Variants in SPOCK3 observed in about 807,000 individuals in gnomAD.
The protein encoded by SPOCK3 is testican-3.
A neutral mutation model predicts 56.6 loss-of-function variants in SPOCK3; 30 were observed. The observed-to-expected ratio is 0.53, with a 90% confidence interval of 0.40 to 0.72. The LOEUF (loss-of-function observed/expected upper bound fraction) is 0.72. Ranked by LOEUF, SPOCK3 falls within the 30% of genes least tolerant of loss-of-function variation. The pLI, the probability that SPOCK3 is intolerant of heterozygous loss-of-function variation, is 0.00. For synonymous variants in SPOCK3, 196 were observed against 183.3 expected, an observed-to-expected ratio of 1.07 and a Z score of -0.56; for missense variants, 527 against 530.0, an observed-to-expected ratio of 0.99 and a Z score of 0.06.
intron 4 of SPOCK3, among the ~76,000 whole-genome samples, chr4:166,921,191 TG>T (rs1435251534): frequency 1.3e-5 from 2 of 152,190 alleles, no homozygotes; most frequent in African/African-American, 4.8e-5. Context: ...CCCAATCACA[TG>T]TCTGATTTTT....
intron 6 of SPOCK3, among the ~76,000 whole-genome samples, chr4:166,876,399 T>C (rs1416867949): frequency 6.6e-6 from 1 of 152,166 alleles, no homozygotes; most frequent in East Asian, 1.9e-4. Flanking sequence ...AGAAGCTCCG[T>C]GGAAGAGAGT....
At chr4:167,060,705 CG>C (rs1166473054) in intron 3 of SPOCK3, among the ~76,000 whole-genome samples, 1 of 152,028 alleles carries the variant, frequency 6.6e-6, no homozygotes, top group Non-Finnish European at 1.5e-5. Context: ...AAAATATCAT[CG>C]GGATGCCATT....
chr4:166,885,584 T>A (rs1734104176), intron 6 of SPOCK3, among the ~76,000 whole-genome samples: 1 of 152,128 alleles, frequency 6.6e-6, no homozygotes, highest in Non-Finnish European at 1.5e-5. Context: ...ACGTTCCTTT[T>A]CTACTTCCTC....
At chr4:166,747,706 C>A (rs1488049304) in intron 8 of SPOCK3, among the ~76,000 whole-genome samples, 1 of 152,076 alleles carries the variant, frequency 6.6e-6, no homozygotes, top group African/African-American at 2.4e-5. Flanking sequence ...TCCCTGTTTG[C>A]AGATGACATG....
In SPOCK3 at chr4:166,737,492, G is replaced by C; in HGVS notation, c.1107C>G (p.Ser369=). The C allele has an allele frequency of 1.9e-6, 3 of 1,613,128 alleles. No homozygotes were observed. Among genetic ancestry groups the C allele is most frequent in the Non-Finnish European group, 2.5e-6 (3 of 1,179,512 alleles). ...VDRYGNEVMG[S]RINGVADCAI... ...CACAATCTGCAACACCATTTATTCTGGATCCCATGACTTCATTTCCATATC... is the reference window on the plus strand; with the variant it reads ...CACAATCTGCAACACCATTTATTCTCGATCCCATGACTTCATTTCCATATC... Residue 369 remains serine (S), a synonymous_variant, in exon 10 of 11, where the codon TCC becomes TCG. Transcript: ENST00000357545.
intron 4 of SPOCK3, among the ~76,000 whole-genome samples, chr4:166,990,511 T>C (rs1259872193): frequency 6.6e-6 from 1 of 152,100 alleles, no homozygotes; most frequent in African/African-American, 2.4e-5. Context: ...CAGAAATGAC[T>C]ACTAATTTCC....
In SPOCK3 at chr4:166,765,600, T is replaced by C. The variant is rs28828465; in HGVS notation, c.710-10871A>G. On this transcript the variant is annotated intron_variant, in intron 7 of 10. Coordinates refer to ENST00000357545, the MANE Select transcript of SPOCK3 (RefSeq NM_001040159.2). ...TTTTGGTTACTGTAGCCTTGTAGTA[T>C]AGTATGAAGTCAGGTAGCGTGATGC... Among the ~76,000 whole-genome samples, 1,449 of 152,348 alleles carry C rather than the reference T, an allele frequency of 9.5e-3. 28 individuals are homozygous for C. The highest frequency in any genetic ancestry group is 0.033 in the African/African-American group (1,371 of 41,574).
At chr4:167,039,457 A>C (rs78957906) in intron 3 of SPOCK3, among the ~76,000 whole-genome samples, 1,639 of 152,200 alleles carry the variant, frequency 0.011, 31 homozygotes, top group African/African-American at 0.038. Flanking sequence ...AAATGTAAAA[A>C]TTTTATTTCT....
chr4:166,979,653 G>A (rs1163327750), intron 4 of SPOCK3, among the ~76,000 whole-genome samples: 1 of 151,992 alleles, frequency 6.6e-6, no homozygotes, highest in Non-Finnish European at 1.5e-5. Flanking sequence ...CTACTTCACT[G>A]GTTGTTCCTT....
intron 3 of SPOCK3, among the ~76,000 whole-genome samples, chr4:167,021,843 T>G (rs1164115299): frequency 1.3e-5 from 2 of 152,042 alleles, no homozygotes; most frequent in South Asian, 4.1e-4. Context: ...GTCCAGATTG[T>G]TTTTTAATCT....
intron 7 of SPOCK3, among the ~76,000 whole-genome samples, chr4:166,768,845 T>G (rs10024474): frequency 0.33 from 50,233 of 152,148 alleles, 8,462 homozygotes; most frequent in Admixed American, 0.42. Flanking sequence ...AAATTTGGTG[T>G]TTTCACATAG....
At chr4:166,946,786 T>C (rs1473644248) in intron 4 of SPOCK3, among the ~76,000 whole-genome samples, 3 of 152,200 alleles carry the variant, frequency 2.0e-5, no homozygotes, top group African/African-American at 7.2e-5. Flanking sequence ...AAGTACAGCA[T>C]GGGCAGGAAT....
In SPOCK3 at chr4:167,098,418, T is replaced by C. The variant is rs147127758; in HGVS notation, c.190-35881A>G. On this transcript the variant is annotated intron_variant, in intron 2 of 10. Coordinates refer to ENST00000357545, the MANE Select transcript of SPOCK3 (RefSeq NM_001040159.2). ...TTAAATGTTCCTAGAACTTTGTGAC[T>C]CAGTGGCTTCTGCTGCAGGTAAGGA... Among the ~76,000 whole-genome samples, 24 of 152,016 alleles carry C rather than the reference T, an allele frequency of 1.6e-4. No homozygotes were observed. In the East Asian group the frequency reaches 4.6e-3, roughly 29 times the overall value.
At chr4:167,222,889 A>G (rs1736134339) in intron 2 of SPOCK3, among the ~76,000 whole-genome samples, 1 of 128,146 alleles carries the variant, frequency 7.8e-6, no homozygotes, top group Non-Finnish European at 1.5e-5. Context: ...TGATATATGA[A>G]TATATAAATA....
chr4:167,186,697 C>A (rs1731998247), intron 2 of SPOCK3, among the ~76,000 whole-genome samples: 1 of 151,864 alleles, frequency 6.6e-6, no homozygotes, highest in Non-Finnish European at 1.5e-5. Context: ...AGTAGTCCAG[C>A]AAGGTGCAGT....
intron 2 of SPOCK3, among the ~76,000 whole-genome samples, chr4:167,064,871 T>C (rs1194080213): frequency 6.6e-6 from 1 of 151,438 alleles, no homozygotes; most frequent in Non-Finnish European, 1.5e-5. Flanking sequence ...AAGGAGGTGC[T>C]AAATCTTAAT....
Position 167,115,820 on chromosome 4 carries a change from C to T in SPOCK3, c.190-53283G>A, listed in dbSNP as rs576885078. ...AATAACAGAAGTTAATGATTTTAAA[C>T]ATCTTTAAAGTCCTGAACGAAAATA... is the stretch of plus-strand genomic sequence containing the variant. On this transcript the variant is annotated intron_variant, in intron 2 of 10. Coordinates refer to ENST00000357545, the MANE Select transcript of SPOCK3 (RefSeq NM_001040159.2). Among the ~76,000 whole-genome samples the T allele has an allele frequency of 2.0e-5, 3 of 152,100 alleles. No individual in the cohort carries two copies. The South Asian group carries it at 6.2e-4, about 32-fold the overall frequency.
At chr4:167,228,047 GAAAT>G (rs1343661498) in intron 2 of SPOCK3, among the ~76,000 whole-genome samples, 1 of 152,056 alleles carries the variant, frequency 6.6e-6, no homozygotes, top group African/African-American at 2.4e-5. Flanking sequence ...GAAAAGAAAA[GAAAT>G]AAATAAAGAA....
intron 6 of SPOCK3, among the ~76,000 whole-genome samples, chr4:166,850,675 G>A (rs909172903): frequency 6.6e-6 from 1 of 152,252 alleles, no homozygotes; most frequent in Non-Finnish European, 1.5e-5. Flanking sequence ...GGGTCAGGGA[G>A]TTCCCTTTCG....
Sources: allele counts gnomAD v4.1 joint callset (sites outside exome capture counted in the v4.1 genomes callset), GRCh38; gene constraint gnomAD v4.1.1; transcripts MANE v1.5; gene names NCBI Gene and HGNC (gene_info 2026-07-23, HGNC 2026-07-21).